Variants in AHCY observed in about 807,000 individuals in gnomAD.
The protein encoded by AHCY is S-adenosyl-L-homocysteine hydrolase.
A neutral mutation model predicts 45.4 loss-of-function variants in AHCY; 24 were observed. The observed-to-expected ratio is 0.53, with a 90% CI of 0.38 to 0.74. AHCY has a LOEUF of 0.74. Among genes scored for constraint, AHCY ranks in the 30% least tolerant of loss-of-function variants. The pLI, the probability that AHCY is intolerant of heterozygous loss-of-function variation, is 0.00. For missense variants in AHCY, 449 were observed against 594.1 expected (o/e 0.76, Z 2.54); for synonymous variants, 245 against 235.1 (o/e 1.04, Z -0.39).
the AHCY span, among the ~76,000 whole-genome samples, chr20:34,268,775 A>G: frequency 6.6e-6 from 1 of 151,458 alleles, no homozygotes; most frequent in Non-Finnish European, 1.5e-5. Flanking sequence ...AACACAAACT[A>G]GGGAGAAGAC....
chr20:34,289,133 A>G (rs1335172833), intron 8 of AHCY, among the ~76,000 whole-genome samples: 1 of 151,978 alleles, frequency 6.6e-6, no homozygotes, highest in Non-Finnish European at 1.5e-5. Flanking sequence ...CCTCCCGAGT[A>G]GCTGGGATTA....
the AHCY span, chr20:34,269,256 G>C: frequency 7.1e-7 from 1 of 1,405,026 alleles, no homozygotes. Flanking sequence ...CGGCTTCCCA[G>C]GGCTGCAGGC....
chr20:34,264,168 C>T, the AHCY span, among the ~76,000 whole-genome samples: 2 of 152,092 alleles, frequency 1.3e-5, no homozygotes, highest in African/African-American at 2.4e-5. Flanking sequence ...TTTCCCAAAA[C>T]ATATGTACAC....
At chr20:34,301,955 T>A (rs1206876574) in intron 1 of AHCY, 1 of 985,300 alleles carries the variant, frequency 1.0e-6, no homozygotes, top group East Asian at 1.1e-4. Flanking sequence ...AGCAAGTGTT[T>A]CCATAAATGT....
At chr20:34,305,111 C>T (rs1340444440), upstream of AHCY, among the ~76,000 whole-genome samples, 13 of 149,556 alleles carry the variant, frequency 8.7e-5, no homozygotes, top group Non-Finnish European at 3.0e-5. Context: ...GTCAGGAAAT[C>T]GAGACCATCC....
At chr20:34,267,503 A>G in the AHCY span, among the ~76,000 whole-genome samples, 8 of 149,452 alleles carry the variant, frequency 5.4e-5, no homozygotes, top group South Asian at 1.7e-3. Context: ...TGTGAGCTAC[A>G]TAATTTTAAA....
the AHCY span, among the ~76,000 whole-genome samples, chr20:34,243,783 C>T: frequency 2.0e-5 from 3 of 150,506 alleles, no homozygotes; most frequent in Admixed American, 1.3e-4. Context: ...AAAACTGTCT[C>T]GCCGGGCGCG....
downstream of AHCY, among the ~76,000 whole-genome samples, chr20:34,275,333 C>T (rs899582877): frequency 3.8e-4 from 57 of 151,876 alleles, no homozygotes; most frequent in Non-Finnish European, 2.4e-4. Context: ...GGTTTCACCA[C>T]GTTGGCCAGG....
At chr20:34,258,066 T>C in the AHCY span, among the ~76,000 whole-genome samples, 2 of 151,310 alleles carry the variant, frequency 1.3e-5, no homozygotes, top group African/African-American at 4.9e-5. Flanking sequence ...ATTGCTTGAA[T>C]CCGGGAGGCA....
chr20:34,305,613 A>G (rs1427669022), upstream of AHCY, among the ~76,000 whole-genome samples: 6 of 152,188 alleles, frequency 3.9e-5, no homozygotes, highest in Non-Finnish European at 7.3e-5. Flanking sequence ...ATGGCTTCAA[A>G]ATATTCCTGC....
the AHCY span, among the ~76,000 whole-genome samples, chr20:34,249,358 C>CTTTAGA: frequency 6.6e-6 from 1 of 151,696 alleles, no homozygotes; most frequent in Non-Finnish European, 1.5e-5. Flanking sequence ...ATGCCCAGAG[C>CTTTAGA]CCTGGTTAGA....
chr20:34,236,085 G>A, the AHCY span, among the ~76,000 whole-genome samples: 3 of 114,482 alleles, frequency 2.6e-5, no homozygotes, highest in Non-Finnish European at 5.6e-5. Flanking sequence ...AGAAAGAGAA[G>A]GAAGGAAGGA....
chr20:34,261,719 T>A, the AHCY span, among the ~76,000 whole-genome samples: 2 of 152,290 alleles, frequency 1.3e-5, no homozygotes, highest in South Asian at 2.1e-4. Context: ...GGAGGATTGC[T>A]TGAGCCCAGG....
At position 34,296,153 on chromosome 20, in the gene AHCY, AG is replaced by A. The variant is rs143796469; in HGVS notation, c.29-569del. ...CGAATGCTCTTGGCCTCTCTGCCCC[AG>A]GGGAGGTGGGGTGAGCTTGTCTGAC... On this transcript the variant is annotated intron_variant, in intron 1 of 9. Transcript: ENST00000217426. Among the ~76,000 whole-genome samples the A allele has an allele frequency of 1.9e-4, 29 of 152,248 alleles. 1 individual carries two copies. The East Asian group carries it at 5.6e-3, about 29-fold the overall frequency.
At chr20:34,277,296 CT>C (rs767005655), downstream of AHCY, among the ~76,000 whole-genome samples, 32 of 152,294 alleles carry the variant, frequency 2.1e-4, no homozygotes, top group Non-Finnish European at 4.0e-4. Context: ...GTCACAACTT[CT>C]CTGGGCCTCC....
the AHCY span, among the ~76,000 whole-genome samples, chr20:34,267,531 T>C: frequency 6.6e-6 from 1 of 151,204 alleles, no homozygotes; most frequent in Non-Finnish European, 1.5e-5. Flanking sequence ...ATGGCCACTT[T>C]ATTTATTTAT....
chr20:34,269,281 G>T, the AHCY span: 1 of 1,304,532 alleles, frequency 7.7e-7, no homozygotes, highest in Non-Finnish European at 1.0e-6. Flanking sequence ...GGAGGTTCCA[G>T]GAGATGGGAC....
chr20:34,305,400 A>C (rs1601692725), upstream of AHCY, among the ~76,000 whole-genome samples: 1 of 152,138 alleles, frequency 6.6e-6, no homozygotes. Context: ...TGATCTGTAC[A>C]TCTGACCTCT....
the AHCY span, among the ~76,000 whole-genome samples, chr20:34,237,613 C>A: frequency 2.0e-5 from 3 of 152,152 alleles, no homozygotes; most frequent in African/African-American, 7.2e-5. Flanking sequence ...TCATTTTACT[C>A]CTTCCTTTTT....
Sources: gnomAD v4.1 joint callset for allele counts (sites outside exome capture counted in the v4.1 genomes callset) on GRCh38, gnomAD v4.1.1 for gene constraint, MANE v1.5 for transcripts, NCBI Gene and HGNC (gene_info 2026-07-23, HGNC 2026-07-21) for gene names.